ITSN1: variants seen among roughly 807,000 people sequenced by gnomAD.
The protein encoded by ITSN1 is intersectin 1, also known as intersectin-1.
ITSN1 carries 58 observed loss-of-function variants against 239.8 expected under a neutral mutation model. The ratio of observed to expected loss-of-function variants is 0.24; its 90% CI spans 0.20 to 0.30. ITSN1 has a LOEUF of 0.30. ITSN1 is among the 10% of genes least tolerant of loss of function. The pLI, the probability that ITSN1 is intolerant of heterozygous loss-of-function variation, is 1.00. For synonymous variants in ITSN1, 780 were observed against 770.8 expected (o/e 1.01, Z -0.20); for missense variants, 1,558 against 2,103.3 (o/e 0.74, Z 5.07).
chr21:33,747,350 C>T lies in ITSN1; in HGVS notation c.347-2793C>T, dbSNP rs1196585006. 2.0e-5 allele frequency among the ~76,000 whole-genome samples: 3 copies of T among 151,750 alleles called. No individual in the cohort carries two copies. In the East Asian group the frequency reaches 5.8e-4, roughly 29 times the overall value. On this transcript the variant is annotated intron_variant, in intron 5 of 39. Coordinates refer to ENST00000381318, the MANE Select transcript of ITSN1 (RefSeq NM_003024.3). Reference sequence around the variant, plus strand: ...AGTTTCAGAGACTTATGGAACAAGACCAAGTTTACCAATATGTGTGTCATG... The same window carrying T: ...AGTTTCAGAGACTTATGGAACAAGATCAAGTTTACCAATATGTGTGTCATG...
Position 33,890,628 on chromosome 21 carries a change from C to A in ITSN1, c.*2328C>A, listed in dbSNP as rs113646728. 1 of 152,074 alleles carries A rather than the reference C, an allele frequency of 6.6e-6. No individual in the cohort carries two copies. Among genetic ancestry groups the A allele is most frequent in the Non-Finnish European group, 1.5e-5 (1 of 68,026 alleles). The allele number at this position is 152,074 out of a possible 1,614,324, so 9.4% of individuals were successfully genotyped here. Reference sequence around the variant, plus strand: ...GGAGGAGTCGGGCTGGCCCTCGGACCCAGCTGTGATTCATGAGTTGTGTCA... The same window carrying A: ...GGAGGAGTCGGGCTGGCCCTCGGACACAGCTGTGATTCATGAGTTGTGTCA... On this transcript the variant is annotated 3_prime_UTR_variant, in exon 40 of 40. Coordinates refer to ENST00000381318, the MANE Select transcript of ITSN1 (RefSeq NM_003024.3).
chr21:33,734,288 G>A (rs1031782834), intron 4 of ITSN1, among the ~76,000 whole-genome samples: 2 of 152,138 alleles, frequency 1.3e-5, no homozygotes, highest in Non-Finnish European at 2.9e-5. Context: ...GCCGAGAAGC[G>A]ATTCCTTTTG....
intron 17 of ITSN1, among the ~76,000 whole-genome samples, chr21:33,794,748 A>G (rs2071402428): frequency 6.6e-6 from 1 of 152,172 alleles, no homozygotes; most frequent in Non-Finnish European, 1.5e-5. Flanking sequence ...GCTCATTTGC[A>G]TGCTAATGGC....
chr21:33,824,329 A>T (rs749976057), intron 25 of ITSN1, among the ~76,000 whole-genome samples: 2 of 152,240 alleles, frequency 1.3e-5, no homozygotes, highest in Non-Finnish European at 2.9e-5. Context: ...ACCACAGAGC[A>T]TGGGAGTCAG....
chr21:33,819,165 A>T, intron 23 of ITSN1, 76 bp from the exon 24 acceptor site: 2 of 1,133,872 alleles, frequency 1.8e-6, no homozygotes, highest in Non-Finnish European at 2.6e-6. Flanking sequence ...AAGCAGTTTT[A>T]ACAGAAAAAT....
intron 29 of ITSN1, among the ~76,000 whole-genome samples, chr21:33,843,022 C>T (rs1246359305): frequency 6.6e-6 from 1 of 152,146 alleles, no homozygotes; most frequent in Non-Finnish European, 1.5e-5. Context: ...GAGGAAAGGC[C>T]TGGGCTGCGG....
At chr21:33,742,649 A>G (rs1463122453) in intron 5 of ITSN1, among the ~76,000 whole-genome samples, 1 of 152,186 alleles carries the variant, frequency 6.6e-6, no homozygotes, top group Non-Finnish European at 1.5e-5. Context: ...AGACTGGCCC[A>G]ACAAGCCTTC....
At chr21:33,690,892 T>G (rs1220848033) in intron 1 of ITSN1, among the ~76,000 whole-genome samples, 1 of 138,508 alleles carries the variant, frequency 7.2e-6, no homozygotes, top group African/African-American at 2.7e-5. Context: ...AATCTTTCAG[T>G]GACTCCATCA....
Position 33,735,112 on chromosome 21 carries a change from T to C in ITSN1, c.254T>C (p.Ile85Thr), listed in dbSNP as rs754899386. The change falls in exon 5 of 40, where the codon ATC becomes ACC. Residue 85 changes from isoleucine to threonine, a missense_variant. Ile to Thr is a moderately conservative substitution (Grantham distance 89, BLOSUM62 -1). Coordinates refer to ENST00000381318, the MANE Select transcript of ITSN1 (RefSeq NM_003024.3). ...QVEFSIAMKL[I>T]KLKLQGYQLP... Reference sequence around the variant, plus strand: ...GAGTTTTCCATAGCTATGAAACTTATCAAACTGAAGCTACAAGGATATCAG... The same window carrying C: ...GAGTTTTCCATAGCTATGAAACTTACCAAACTGAAGCTACAAGGATATCAG... 2.5e-6 allele frequency: 4 copies of C among 1,613,930 alleles called. No individual in the cohort carries two copies. Among genetic ancestry groups the C allele is most frequent in the East Asian group, 2.2e-5 (1 of 44,884 alleles).
chr21:33,745,741 GCAGGTATGAC>G (rs544306693), intron 5 of ITSN1, among the ~76,000 whole-genome samples: 1 of 152,284 alleles, frequency 6.6e-6, no homozygotes, highest in South Asian at 2.1e-4. Context: ...CCACAGAAGA[GCAGGTATGAC>G]CAGCCACTCT....
At chr21:33,805,151 G>A (rs541151735) in intron 20 of ITSN1, among the ~76,000 whole-genome samples, 1 of 152,320 alleles carries the variant, frequency 6.6e-6, no homozygotes, top group East Asian at 1.9e-4. Flanking sequence ...TTCAGGAACC[G>A]CTGATCTAAC....
intron 8 of ITSN1, 66 bp from the exon 9 acceptor site, chr21:33,761,857 C>G: frequency 8.5e-7 from 1 of 1,171,330 alleles, no homozygotes; most frequent in Non-Finnish European, 1.3e-6. Flanking sequence ...ACGCAGAACC[C>G]TGGTCCTCCT....
chr21:33,691,228 T>C (rs924712919), intron 1 of ITSN1, among the ~76,000 whole-genome samples: 4 of 152,198 alleles, frequency 2.6e-5, no homozygotes, highest in Admixed American at 2.0e-4. Flanking sequence ...GCAGTAACTG[T>C]CATATAATAA....
rs768410170 is a variant in ITSN1 at position 33,772,224 on chromosome 21, G to C, written c.1206G>C (p.Glu402Asp). 37 of 1,611,902 alleles carry C rather than the reference G, an allele frequency of 2.3e-5. No individual in the cohort carries two copies. The highest frequency in any genetic ancestry group is 2.9e-5 in the Non-Finnish European group (34 of 1,178,968). ...AGGAGCGTGAGCGCCAGGAGCAAGA[G>C]CGCAAAAGACAACTGGAACTGGAGA... ...ERKERERQEQ[E>D]RKRQLELEKQ... Residue 402 changes from glutamate (E) to aspartate (D), a missense_variant, in exon 12 of 40, where the codon GAG becomes GAC. By Grantham distance (45) the Glu-to-Asp change is conservative. Around this residue, in one of 2 missense-constraint regions of ITSN1, gnomAD observed 982 missense variants for 1,209.9 expected, o/e 0.81. Transcript: ENST00000381318.
intron 1 of ITSN1, among the ~76,000 whole-genome samples, chr21:33,695,790 T>C (rs1456456733): frequency 1.3e-5 from 2 of 152,210 alleles, no homozygotes; most frequent in East Asian, 3.8e-4. Context: ...TGTACTTTAA[T>C]GGTGCAGCCA....
At chr21:33,806,565 AT>A (rs1190064426) in intron 20 of ITSN1, among the ~76,000 whole-genome samples, 1 of 152,260 alleles carries the variant, frequency 6.6e-6, no homozygotes, top group African/African-American at 2.4e-5. Context: ...GCTGCTGTGT[AT>A]ATTTGACTGT....
intron 5 of ITSN1, among the ~76,000 whole-genome samples, chr21:33,742,727 G>A (rs1370807668): frequency 6.6e-6 from 1 of 152,160 alleles, no homozygotes; most frequent in Admixed American, 6.5e-5. Context: ...GCAGTATAGG[G>A]ACATGGATAC....
rs1986735196 is a variant in ITSN1, at chr21:33,895,707, G to GCGTGTGCGTGCATGTGTGCGCA, written c.*7407_*7408insCGTGTGCGTGCATGTGTGCGCA. On this transcript the variant is annotated 3_prime_UTR_variant, in exon 40 of 40. Transcript: ENST00000381318. ...CGTGCATATGTGTATGTGTGTGCGCGTGCGTGTGCGTGCATGTGTGCGCAT... is the reference window on the plus strand; with the variant it reads ...CGTGCATATGTGTATGTGTGTGCGCGCGTGTGCGTGCATGTGTGCGCATGCGTGTGCGTGCATGTGTGCGCAT... The GCGTGTGCGTGCATGTGTGCGCA allele has an allele frequency of 6.6e-6, 1 of 151,816 alleles. No homozygotes were observed. Among genetic ancestry groups the GCGTGTGCGTGCATGTGTGCGCA allele is most frequent in the Non-Finnish European group, 1.5e-5 (1 of 68,018 alleles). 9.4% of individuals were successfully genotyped at this position (151,816 alleles called of 1,614,324 possible).
rs189127450 is a variant in ITSN1 at position 33,728,612 on chromosome 21, C to T, written c.185+5961C>T. 2.7e-3 allele frequency among the ~76,000 whole-genome samples: 408 copies of T among 152,264 alleles called. 2 individuals carry two copies. Among genetic ancestry groups the T allele is most frequent in the African/African-American group, 9.4e-3 (390 of 41,546 alleles). ...GTTTCCTCTTCCTATAATTCAGTTG[C>T]TCTAGTTCCTCACATCGCAGGTTCA... On this transcript the variant is annotated intron_variant, in intron 4 of 39. Transcript: ENST00000381318.
Sources: gnomAD v4.1 joint callset for allele counts (sites outside exome capture counted in the v4.1 genomes callset) on GRCh38, gnomAD v4.1.1 for gene constraint, gnomAD v4.1.1 regional missense constraint, MANE v1.5 for transcripts, NCBI Gene and HGNC (gene_info 2026-07-23, HGNC 2026-07-21) for gene names.